MTURN: variants seen among roughly 807,000 people sequenced by gnomAD.
MTURN encodes maturin, neural progenitor differentiation regulator homolog, also known as maturin.
A neutral mutation model predicts 14.9 loss-of-function variants in MTURN; 7 were observed. That is an observed-to-expected ratio of 0.47 (90% CI 0.27 to 0.88). MTURN has a LOEUF of 0.88. Ranked by LOEUF, MTURN falls within the 40% of genes least tolerant of loss-of-function variation. The probability of loss-of-function intolerance (pLI) is 0.14; values close to 1 mark genes in which losing one functional copy is unlikely to be tolerated. For missense variants in MTURN, 151 were observed against 174.1 expected (o/e 0.87, Z 0.75); for synonymous variants, 69 against 72.5 (o/e 0.95, Z 0.25).
rs553147389 is a variant in MTURN at position 30,157,797 on chromosome 7, T to C, written c.*249T>C. 7 of 241,318 alleles carry C rather than the reference T, an allele frequency of 2.9e-5. No individual in the cohort carries two copies. In the South Asian group the frequency reaches 5.0e-4, roughly 17 times the overall value. The allele number at this position is 241,318 out of a possible 1,614,324, so 14.9% of individuals were successfully genotyped here. A position where few individuals can be genotyped will look rare whatever the true frequency, so the allele number is the denominator to read the frequency against. ...AGTTGTCTTGGTAGCCTTTGCCATT[T>C]TGAATTTAGAGTCCATTTTGTGGCT... On this transcript the variant is annotated 3_prime_UTR_variant, in exon 3 of 3. Coordinates refer to ENST00000324453, the MANE Select transcript of MTURN (RefSeq NM_152793.3).
rs529698623 is a variant in MTURN, at chr7:30,138,097, C to A, written c.162+2799C>A. 5.9e-5 allele frequency among the ~76,000 whole-genome samples: 9 copies of A among 152,160 alleles called. No homozygotes were observed. In the South Asian group the frequency reaches 1.7e-3, roughly 28 times the overall value. ...TGTGTGCCTTGGGAAAGTTATTTAA[C>A]CCCTCTATGCCATACTTTTTTTTTC... is the stretch of plus-strand genomic sequence containing the variant. On this transcript the variant is annotated intron_variant, in intron 1 of 2. Transcript: ENST00000324453.
rs3750089 is a variant in MTURN, at chr7:30,160,983, C to T, written c.*3435C>T. 0.64 allele frequency: 97,862 copies of T among 152,466 alleles called. 31,654 individuals carry two copies. The highest frequency in any genetic ancestry group is 0.74 in the South Asian group (3,544 of 4,814). The allele number at this position is 152,466 out of a possible 1,614,324, so 9.4% of individuals were successfully genotyped here. ...ATTTCCAGTGTACTTCAACGAAAACCTCTCTCCTTTATAGTTGCTGTCATC... is the reference window on the plus strand; with the variant it reads ...ATTTCCAGTGTACTTCAACGAAAACTTCTCTCCTTTATAGTTGCTGTCATC... On this transcript the variant is annotated 3_prime_UTR_variant, in exon 3 of 3. Transcript: ENST00000324453.
intron 2 of MTURN, among the ~76,000 whole-genome samples, chr7:30,149,876 C>A (rs892849244): frequency 1.3e-5 from 2 of 152,102 alleles, no homozygotes; most frequent in African/African-American, 4.8e-5. Context: ...TAGAGCAGTC[C>A]CCTGCTCTGC....
At chr7:30,144,082 C>A (rs1024105060) in intron 1 of MTURN, among the ~76,000 whole-genome samples, 1 of 152,196 alleles carries the variant, frequency 6.6e-6, no homozygotes, top group Non-Finnish European at 1.5e-5. Context: ...GTAAGCCCAC[C>A]CCTTCCCCTC....
chr7:30,145,876 A>G, intron 1 of MTURN: 1 of 1,551,544 alleles, frequency 6.4e-7, no homozygotes, highest in Non-Finnish European at 8.7e-7. Flanking sequence ...CAAGGTGAAC[A>G]GTGGAAATCA....
rs906830760 is a variant in MTURN at position 30,162,504 on chromosome 7, T to C, written c.*4956T>C. 33 of 152,402 alleles carry C rather than the reference T, an allele frequency of 2.2e-4. No homozygotes were observed. The highest frequency in any genetic ancestry group is 7.0e-4 in the African/African-American group (29 of 41,424). The allele number at this position is 152,402 out of a possible 1,614,324, so 9.4% of individuals were successfully genotyped here. On this transcript the variant is annotated 3_prime_UTR_variant, in exon 3 of 3. Coordinates refer to ENST00000324453, the MANE Select transcript of MTURN (RefSeq NM_152793.3). ...TGTTTTTTGGTTGTTGTTTTTTTTT[T>C]TTTTTAGGCAAGAAGTGTTGCCGGT...
In MTURN at chr7:30,160,190, G is replaced by A. The variant is rs1242462721; in HGVS notation, c.*2642G>A. 6.6e-6 allele frequency: 1 copy of A among 152,396 alleles called. No homozygotes were observed. The highest frequency in any genetic ancestry group is 1.9e-4 in the East Asian group (1 of 5,202). The allele number at this position is 152,396 out of a possible 1,614,324, so 9.4% of individuals were successfully genotyped here. On this transcript the variant is annotated 3_prime_UTR_variant, in exon 3 of 3. Transcript: ENST00000324453. ...CAGTCAAGGAAACTTTTAGGGATTC[G>A]AGAAGAAAATACATGTGGGATCTTG...
intron 2 of MTURN, among the ~76,000 whole-genome samples, chr7:30,152,860 T>G (rs1797232795): frequency 6.6e-6 from 1 of 152,202 alleles, no homozygotes; most frequent in African/African-American, 2.4e-5. Flanking sequence ...TCTCCAGAGT[T>G]GGCAGCTCTG....
intron 2 of MTURN, among the ~76,000 whole-genome samples, chr7:30,149,602 A>C (rs17547388): frequency 0.059 from 8,927 of 152,254 alleles, 345 homozygotes; most frequent in Admixed American, 0.094. Context: ...TCCACCAAAT[A>C]GAGCACTGCT....
intron 2 of MTURN, among the ~76,000 whole-genome samples, chr7:30,148,299 G>A (rs970261884): frequency 2.0e-5 from 3 of 152,206 alleles, no homozygotes; most frequent in African/African-American, 7.2e-5. Context: ...CCTCGGGGTT[G>A]GACAACACCT....
rs141430269 is a variant in MTURN, at chr7:30,149,311, C to T, written c.285+3012C>T. Among the ~76,000 whole-genome samples, 353 of 152,290 alleles carry T rather than the reference C, an allele frequency of 2.3e-3. 2 individuals carry two copies. Among genetic ancestry groups the T allele is most frequent in the Non-Finnish European group, 4.4e-3 (297 of 68,024 alleles). Reference sequence around the variant, plus strand: ...GTTTCCTTTCTGAAGTGGAACTTTACCTTGTGGGCAGGGATGTGGCTCCCC... The same window carrying T: ...GTTTCCTTTCTGAAGTGGAACTTTATCTTGTGGGCAGGGATGTGGCTCCCC... On this transcript the variant is annotated intron_variant, in intron 2 of 2. Transcript: ENST00000324453.
chr7:30,154,351 TC>T (rs1171366836), intron 2 of MTURN, among the ~76,000 whole-genome samples: 3 of 152,152 alleles, frequency 2.0e-5, no homozygotes, highest in Non-Finnish European at 4.4e-5. Context: ...CCGATTTTAA[TC>T]CCCTATAACG....
intron 1 of MTURN, among the ~76,000 whole-genome samples, chr7:30,141,978 C>A (rs1271162601): frequency 6.6e-6 from 1 of 152,188 alleles, no homozygotes; most frequent in East Asian, 1.9e-4. Context: ...CCTCCCCTGC[C>A]ACCCCCACCC....
rs116419963 is a variant in MTURN, at chr7:30,145,313, C to A, written c.163-864C>A. Among the ~76,000 whole-genome samples the A allele has an allele frequency of 2.7e-3, 415 of 152,132 alleles. 4 individuals carry two copies. The highest frequency in any genetic ancestry group is 9.6e-3 in the African/African-American group (400 of 41,502). On this transcript the variant is annotated intron_variant, in intron 1 of 2. Coordinates refer to ENST00000324453, the MANE Select transcript of MTURN (RefSeq NM_152793.3). The stretch of plus-strand genomic sequence containing the variant: ...ATCGAGACCAGCCTGGGCAACATGG[C>A]GAAACCCTGTCTCTACCAAAAATAC...
intron 1 of MTURN, chr7:30,137,628 T>C (rs1436411181): frequency 2.1e-6 from 1 of 471,218 alleles, no homozygotes; most frequent in Non-Finnish European, 4.4e-6. Context: ...TTCTGGAGGC[T>C]CTAATGGACA....
intron 2 of MTURN, among the ~76,000 whole-genome samples, chr7:30,153,639 A>G (rs140803189): frequency 8.2e-4 from 125 of 152,356 alleles, no homozygotes; most frequent in African/African-American, 2.8e-3. Flanking sequence ...ACACAAGGTC[A>G]TTATGAGGAG....
intron 2 of MTURN, among the ~76,000 whole-genome samples, chr7:30,150,225 A>G (rs1284787877): frequency 2.6e-5 from 4 of 152,222 alleles, no homozygotes; most frequent in Non-Finnish European, 5.9e-5. Flanking sequence ...CAATGTTAGT[A>G]TGATGTGGAT....
At chr7:30,135,379 G>A in intron 1 of MTURN, 81 bp downstream of exon 1, 1 of 1,266,510 alleles carries the variant, frequency 7.9e-7, no homozygotes, top group Non-Finnish European at 1.0e-6. Context: ...GCTCCCGCGC[G>A]GTGGGCGGCG....
At chr7:30,138,060 G>A (rs1215691770) in intron 1 of MTURN, among the ~76,000 whole-genome samples, 2 of 152,154 alleles carry the variant, frequency 1.3e-5, no homozygotes, top group African/African-American at 4.8e-5. Context: ...TTGCACCTCA[G>A]CTCCCCGTAT....
Sources: allele counts gnomAD v4.1 joint callset (sites outside exome capture counted in the v4.1 genomes callset), GRCh38; gene constraint gnomAD v4.1.1; transcripts MANE v1.5; gene names NCBI Gene and HGNC (gene_info 2026-07-23, HGNC 2026-07-21).